CTNNA3: variants seen among roughly 807,000 people sequenced by gnomAD.
CTNNA3 encodes catenin alpha 3.
CTNNA3 carries 76 observed loss-of-function variants against 95.7 expected under a neutral mutation model. The ratio of observed to expected loss-of-function variants is 0.79; its 90% CI spans 0.66 to 0.96. The LOEUF (loss-of-function observed/expected upper bound fraction) is 0.96, where lower values mean the gene tolerates loss of function less well. Among genes scored for constraint, CTNNA3 ranks in the 40% least tolerant of loss-of-function variants. The probability of loss-of-function intolerance (pLI) is 0.00; values close to 1 mark genes in which losing one functional copy is unlikely to be tolerated. For synonymous variants in CTNNA3, 431 were observed against 374.4 expected, an observed-to-expected ratio of 1.15 and a Z score of -1.74; for missense variants, 1,191 against 1,089.8, an observed-to-expected ratio of 1.09 and a Z score of -1.31.
intron 11 of CTNNA3, among the ~76,000 whole-genome samples, chr10:66,410,151 TTA>T (rs1452913999): frequency 6.6e-6 from 1 of 152,184 alleles, no homozygotes; most frequent in Non-Finnish European, 1.5e-5. Context: ...CAGGAAAGCT[TTA>T]TAAGTAACTA....
At chr10:66,232,897 C>G (rs1307691642) in intron 13 of CTNNA3, among the ~76,000 whole-genome samples, 4 of 152,032 alleles carry the variant, frequency 2.6e-5, no homozygotes, top group Non-Finnish European at 5.9e-5. Flanking sequence ...GTGGCTCACG[C>G]CTGTAATCCC....
chr10:67,008,154 T>C (rs1029210536), intron 7 of CTNNA3, among the ~76,000 whole-genome samples: 11 of 152,108 alleles, frequency 7.2e-5, no homozygotes, highest in African/African-American at 2.7e-4. Flanking sequence ...TATTGTGTAA[T>C]AAAATATTGA....
chr10:66,155,132 A>G (rs2084423810), intron 13 of CTNNA3, among the ~76,000 whole-genome samples: 1 of 151,792 alleles, frequency 6.6e-6, no homozygotes, highest in Non-Finnish European at 1.5e-5. Context: ...CCAATTTGCC[A>G]TTGAACTTCT....
chr10:67,573,139 C>T (rs558021354), intron 3 of CTNNA3, among the ~76,000 whole-genome samples: 72 of 152,196 alleles, frequency 4.7e-4, no homozygotes, highest in African/African-American at 1.3e-3. Flanking sequence ...TGCTCTCCTA[C>T]GCCTTTTAGA....
At chr10:66,992,080 C>G (rs556866124) in intron 7 of CTNNA3, among the ~76,000 whole-genome samples, 1 of 152,276 alleles carries the variant, frequency 6.6e-6, no homozygotes, top group Non-Finnish European at 1.5e-5. Flanking sequence ...CTTCCTCAGC[C>G]TTATCAGATG....
intron 5 of CTNNA3, among the ~76,000 whole-genome samples, chr10:67,520,913 A>G (rs1839964544): frequency 6.6e-6 from 1 of 152,212 alleles, no homozygotes. Flanking sequence ...CAATGGTGAG[A>G]ATGCCACACC....
chr10:67,759,603 A>C lies in CTNNA3; in HGVS notation c.-2+3831T>G, dbSNP rs535577025. Among the ~76,000 whole-genome samples the C allele has an allele frequency of 3.9e-5, 6 of 152,244 alleles. No individual in the cohort carries two copies. The East Asian group carries it at 1.2e-3, about 29-fold the overall frequency. ...CCAAGATTCCCACCCCTGCTGTTAC[A>C]CTCCCTAAATAATCCCCTTCACTTG... On this transcript the variant is annotated intron_variant, in intron 1 of 17. Transcript: ENST00000684154.
At chr10:67,175,139 G>A (rs1862183847) in intron 7 of CTNNA3, among the ~76,000 whole-genome samples, 1 of 116,398 alleles carries the variant, frequency 8.6e-6, no homozygotes, top group African/African-American at 3.2e-5. Context: ...GGAAAGGGAG[G>A]GAGGGAGGGA....
intron 10 of CTNNA3, among the ~76,000 whole-genome samples, chr10:66,587,802 G>T (rs1282186517): frequency 6.6e-6 from 1 of 152,138 alleles, no homozygotes; most frequent in East Asian, 1.9e-4. Context: ...ACTGCCCCAG[G>T]CCATAAGCCG....
intron 1 of CTNNA3, among the ~76,000 whole-genome samples, chr10:67,709,722 G>T (rs1291762040): frequency 6.6e-6 from 1 of 150,954 alleles, no homozygotes; most frequent in Non-Finnish European, 1.5e-5. Context: ...TAGTTAGATT[G>T]GTTTACCCAG....
In CTNNA3 at chr10:66,459,356, C is replaced by T. The variant is rs373775634; in HGVS notation, c.1531+61261G>A. Among the ~76,000 whole-genome samples the T allele has an allele frequency of 9.9e-5, 15 of 152,106 alleles. No homozygotes were observed. The East Asian group carries it at 1.9e-3, about 20-fold the overall frequency. On this transcript the variant is annotated intron_variant, in intron 11 of 17. Coordinates refer to ENST00000433211, the MANE Select transcript of CTNNA3 (RefSeq NM_013266.4). Reference sequence around the variant, plus strand: ...GAGTTGAAAGTTAAATGCAGATTTTCGACTGCACACGGGTCAGCAATCCTA... The same window carrying T: ...GAGTTGAAAGTTAAATGCAGATTTTTGACTGCACACGGGTCAGCAATCCTA...
In CTNNA3 at chr10:66,571,082, T is replaced by C. The variant is rs1382046382; in HGVS notation, c.1375-50309A>G. Among the ~76,000 whole-genome samples the C allele has an allele frequency of 1.1e-4, 16 of 152,294 alleles. No homozygotes were observed. In the East Asian group the frequency reaches 2.9e-3, roughly 28 times the overall value. On this transcript the variant is annotated intron_variant, in intron 10 of 17. Transcript: ENST00000433211. ...AGATAGTAATCAAGGTAACTAACAA[T>C]TTTAAAAATTACTTCAAAGCATATA...
chr10:66,594,455 C>T (rs1342674098), intron 10 of CTNNA3, among the ~76,000 whole-genome samples: 1 of 152,122 alleles, frequency 6.6e-6, no homozygotes, highest in African/African-American at 2.4e-5. Flanking sequence ...AAATCTCCTT[C>T]CAAAGCATAG....
intron 13 of CTNNA3, among the ~76,000 whole-genome samples, chr10:66,257,227 T>C (rs2090822516): frequency 6.6e-6 from 1 of 152,214 alleles, no homozygotes; most frequent in African/African-American, 2.4e-5. Flanking sequence ...AATCTGATTG[T>C]GGCTAAACAA....
chr10:67,621,039 A>G (rs35551971), intron 2 of CTNNA3, among the ~76,000 whole-genome samples: 20,157 of 151,394 alleles, frequency 0.13, 2,417 homozygotes, highest in African/African-American at 0.32. Flanking sequence ...CAAGCTTTGG[A>G]CCAAGAGGCA....
Position 66,674,923 on chromosome 10 carries a change from G to T in CTNNA3, c.1282-53139C>A, listed in dbSNP as rs186302164. Among the ~76,000 whole-genome samples the T allele has an allele frequency of 2.0e-4, 31 of 152,080 alleles. No homozygotes were observed. In the East Asian group the frequency reaches 2.5e-3, roughly 12 times the overall value. On this transcript the variant is annotated intron_variant, in intron 9 of 17. Transcript: ENST00000433211. ...AAAGAGAAAAAGCAAAGTTAAAGTG[G>T]GTAGGAAAAGCTCCAACTGCATTTA...
chr10:67,630,700 C>T (rs937212235), intron 2 of CTNNA3, among the ~76,000 whole-genome samples: 8 of 151,976 alleles, frequency 5.3e-5, no homozygotes, highest in South Asian at 2.1e-4. Flanking sequence ...TAGAGGTGAA[C>T]GACAAAGAAA....
At chr10:67,733,090 T>A (rs750213475) in intron 1 of CTNNA3, among the ~76,000 whole-genome samples, 2 of 152,194 alleles carry the variant, frequency 1.3e-5, no homozygotes, top group Non-Finnish European at 2.9e-5. Flanking sequence ...GTAAATATTT[T>A]ATCTATGTCA....
intron 13 of CTNNA3, among the ~76,000 whole-genome samples, chr10:66,142,794 C>T (rs184077405): frequency 2.0e-5 from 3 of 152,054 alleles, no homozygotes; most frequent in East Asian, 1.9e-4. Flanking sequence ...AATTCTAATG[C>T]TATAGGTATT....
Sources: allele counts gnomAD v4.1 joint callset (sites outside exome capture counted in the v4.1 genomes callset), GRCh38; gene constraint gnomAD v4.1.1; transcripts MANE v1.5; gene names NCBI Gene and HGNC (gene_info 2026-07-23, HGNC 2026-07-21).